DHX30: variants seen among roughly 807,000 people sequenced by gnomAD.
DHX30 encodes ATP-dependent RNA helicase DHX30.
DHX30 carries 4 observed loss-of-function variants against 116.9 expected under a neutral mutation model. The ratio of observed to expected loss-of-function variants is 0.03; its 90% CI spans 0.02 to 0.08. The LOEUF is 0.08. DHX30 is among the 10% of genes least tolerant of loss of function. The pLI is 1.00. For synonymous variants in DHX30, 697 were observed against 651.7 expected, an observed-to-expected ratio of 1.07 and a Z score of -1.06; for missense variants, 871 against 1,595.1, an observed-to-expected ratio of 0.55 and a Z score of 7.73.
chr3:47,847,198 G>C lies in DHX30; in HGVS notation c.1930-75G>C. ...TGATGTCAAGCGGCTCCGTCTCACT[G>C]AGTCAGGTGGCTGTGTCCTTGGCAT... On this transcript the variant is annotated intron_variant, in intron 11 of 21. Coordinates refer to ENST00000445061, the MANE Select transcript of DHX30 (RefSeq NM_138615.3). The surrounding 1 kb of genome is among the most constrained non-coding windows in gnomAD (Gnocchi z 5.5). 6.3e-7 allele frequency: 1 copy of C among 1,587,764 alleles called. No individual in the cohort carries two copies. The highest frequency in any genetic ancestry group is 8.6e-7 in the Non-Finnish European group (1 of 1,156,514).
chr3:47,818,699 C>T (rs1468192074), intron 4 of DHX30, among the ~76,000 whole-genome samples: 2 of 152,190 alleles, frequency 1.3e-5, no homozygotes, highest in African/African-American at 2.4e-5. Context: ...CAGGCCCTAT[C>T]AGTACCCAGG....
At chr3:47,841,250 C>A in intron 7 of DHX30, 72 bp downstream of exon 7, 1 of 1,556,952 alleles carries the variant, frequency 6.4e-7, no homozygotes, top group Non-Finnish European at 8.6e-7. Context: ...ATGTTCTCTG[C>A]TAGCTTTCTC....
intron 6 of DHX30, among the ~76,000 whole-genome samples, chr3:47,835,936 G>GTC (rs989966383): frequency 6.6e-6 from 1 of 152,206 alleles, no homozygotes. Flanking sequence ...TTGGACACAG[G>GTC]TGGAGGAGTG....
At chr3:47,804,664 G>A (rs2035440405) in intron 1 of DHX30, among the ~76,000 whole-genome samples, 1 of 152,216 alleles carries the variant, frequency 6.6e-6, no homozygotes, top group South Asian at 2.1e-4. Flanking sequence ...GGAATGAACC[G>A]TAGTACATTT....
At chr3:47,805,559 G>A (rs1037672416) in intron 2 of DHX30, 139 bp downstream of exon 2, 1 of 387,402 alleles carries the variant, frequency 2.6e-6, no homozygotes, top group East Asian at 3.7e-5. Flanking sequence ...TTATTTTTGA[G>A]ACAGAGTCTC....
chr3:47,843,227 C>T lies in DHX30; in HGVS notation c.911C>T (p.Ala304Val), dbSNP rs1428453920. 12 of 1,614,140 alleles carry T rather than the reference C, an allele frequency of 7.4e-6. No individual in the cohort carries two copies. Among genetic ancestry groups the T allele is most frequent in the South Asian group, 2.2e-5 (2 of 91,096 alleles). Residue 304 changes from alanine (A) to valine (V), a missense_variant, in exon 9 of 22, where the codon GCG becomes GTG. Around this residue, in one of 13 missense-constraint regions of DHX30, gnomAD observed 175 missense variants for 292.9 expected, o/e 0.60. Transcript: ENST00000445061. ...CGCAAAGCAGAGGCTGAGAATAAGG[C>T]GGCAGCCTTGGCCTGCAAGAAACTG... is the stretch of plus-strand genomic sequence containing the variant. ...GRRKAEAENK[A>V]AALACKKLKS...
chr3:47,824,198 T>G (rs1365976236), intron 4 of DHX30, among the ~76,000 whole-genome samples: 1 of 152,008 alleles, frequency 6.6e-6, no homozygotes, highest in Admixed American at 6.6e-5. Flanking sequence ...AGATGGGGTT[T>G]CACCATGTTG....
Position 47,847,113 on chromosome 3 carries a change from GT to G in DHX30, c.1929+115del, listed in dbSNP as rs1397436082. On this transcript the variant is annotated intron_variant, in intron 11 of 21. Transcript: ENST00000445061. The surrounding 1 kb of genome is among the most constrained non-coding windows in gnomAD (Gnocchi z 5.5). ...GGCAAGTTACCCTCCCCAGTCCTCG[GT>G]TTCCTTGATAGAAACTGGGGACTAA... 3 of 1,495,550 alleles carry G rather than the reference GT, an allele frequency of 2.0e-6. No individual in the cohort carries two copies. The East Asian group carries it at 6.8e-5, about 34-fold the overall frequency. The allele number at this position is 1,495,550 out of a possible 1,614,324, so 92.6% of individuals were successfully genotyped here.
In DHX30 at chr3:47,833,667, G is replaced by C. The variant is rs561602986; in HGVS notation, c.366+4533G>C. On this transcript the variant is annotated intron_variant, in intron 6 of 21. Coordinates refer to ENST00000445061, the MANE Select transcript of DHX30 (RefSeq NM_138615.3). ...GAGGTCAGGAGTTCGAGACCAGCTT[G>C]GCCAACATGGTGAAACCCTGTCGCT... Among the ~76,000 whole-genome samples, 50 of 151,194 alleles carry C rather than the reference G, an allele frequency of 3.3e-4. 1 individual carries two copies. Among genetic ancestry groups the C allele is most frequent in the Admixed American group, 3.0e-3 (46 of 15,100 alleles).
At chr3:47,807,497 A>G (rs1270530533) in intron 2 of DHX30, among the ~76,000 whole-genome samples, 2 of 151,764 alleles carry the variant, frequency 1.3e-5, no homozygotes, top group Non-Finnish European at 2.9e-5. Flanking sequence ...AGGCCAAGAG[A>G]TCGAGACCAT....
At chr3:47,829,314 A>ATATATTTTTT (rs1177077114) in intron 6 of DHX30, among the ~76,000 whole-genome samples, 180 bp downstream of exon 6, 1 of 34,192 alleles carries the variant, frequency 2.9e-5, no homozygotes, top group Non-Finnish European at 5.0e-5. Context: ...ATATATATAT[A>ATATATTTTTT]TTTTTTTTTT....
chr3:47,842,090 T>G (rs1482376330), intron 8 of DHX30: 2 of 215,658 alleles, frequency 9.3e-6, no homozygotes, highest in Non-Finnish European at 1.8e-5. Flanking sequence ...ACCTTGTTTT[T>G]ACTTTAACTC....
At chr3:47,819,784 C>G (rs1376488154) in intron 4 of DHX30, among the ~76,000 whole-genome samples, 1 of 152,172 alleles carries the variant, frequency 6.6e-6, no homozygotes, top group East Asian at 1.9e-4. Context: ...TCCTTGACCC[C>G]CCTTCCTCCA....
chr3:47,814,741 C>T (rs544383647), intron 3 of DHX30, among the ~76,000 whole-genome samples: 1 of 152,176 alleles, frequency 6.6e-6, no homozygotes, highest in African/African-American at 2.4e-5. Flanking sequence ...AGGATGGCCT[C>T]AGTCTCCTGA....
At chr3:47,822,105 C>A (rs1281265234) in intron 4 of DHX30, 1 of 152,164 alleles carries the variant, frequency 6.6e-6, no homozygotes. Context: ...AGGCAGGGGT[C>A]TGGATTTGGT....
chr3:47,843,063 A>G (rs777411248), intron 8 of DHX30, 43 bp from the exon 9 acceptor site: 4 of 1,607,958 alleles, frequency 2.5e-6, no homozygotes, highest in Admixed American at 1.7e-5. Context: ...GTCTCTTCCC[A>G]TTCCCTACAT....
intron 6 of DHX30, among the ~76,000 whole-genome samples, 180 bp downstream of exon 6, chr3:47,829,314 A>ATATTTTT (rs1177077114): frequency 2.9e-5 from 1 of 34,192 alleles, no homozygotes; most frequent in Non-Finnish European, 5.0e-5. Context: ...ATATATATAT[A>ATATTTTT]TTTTTTTTTT....
chr3:47,842,776 G>T (rs544038262), intron 8 of DHX30: 38 of 230,906 alleles, frequency 1.6e-4, no homozygotes, highest in African/African-American at 8.4e-4. Flanking sequence ...GATGTGCCTG[G>T]TTTTTAGCTC....
intron 3 of DHX30, among the ~76,000 whole-genome samples, chr3:47,811,205 C>T (rs921671447): frequency 6.6e-6 from 1 of 151,944 alleles, no homozygotes; most frequent in African/African-American, 2.4e-5. Flanking sequence ...CCACCCACCT[C>T]GGCCTCCCAA....
Sources: gnomAD v4.1 joint callset for allele counts (sites outside exome capture counted in the v4.1 genomes callset) on GRCh38, gnomAD v4.1.1 for gene constraint, gnomAD v4.1.1 regional missense constraint, Gnocchi (gnomAD v3.1) non-coding constraint, MANE v1.5 for transcripts, NCBI Gene and HGNC (gene_info 2026-07-23, HGNC 2026-07-21) for gene names.